The following SHFL variants were observed in gnomAD, a reference collection of about 807,000 sequenced individuals.
SHFL encodes the protein shiftless antiviral inhibitor of ribosomal frameshifting protein.
Under a neutral mutation model 34.7 loss-of-function variants are expected in SHFL, and 12 were observed. The ratio of observed to expected loss-of-function variants is 0.35; its 90% confidence interval spans 0.22 to 0.56. The LOEUF is 0.56. Among genes scored for constraint, SHFL ranks in the 20% least tolerant of loss-of-function variants. SHFL has a pLI of 0.88. For missense variants in SHFL, 278 were observed against 411.1 expected (o/e 0.68, Z 2.80); for synonymous variants, 148 against 156.0 (o/e 0.95, Z 0.38).
At position 10,091,803 on chromosome 19, in the gene SHFL, C is replaced by A; in HGVS notation, c.643+173C>A. 9.5e-7 allele frequency: 1 copy of A among 1,049,518 alleles called. No individual in the cohort carries two copies. The highest frequency in any genetic ancestry group is 1.3e-6 in the Non-Finnish European group (1 of 747,818). The allele number at this position is 1,049,518 out of a possible 1,614,324, so 65.0% of individuals were successfully genotyped here. ...TTGCCCAGGAGGCTCTGAGGTTTCA[C>A]CCCAGTGGCCCGTGCCTGAGGGTCC... On this transcript the variant is annotated intron_variant, in intron 7 of 7. Coordinates refer to ENST00000253110, the MANE Select transcript of SHFL (RefSeq NM_018381.4). This position sits in a 1 kb window ranked among gnomAD's most constrained non-coding sequence, Gnocchi z 8.2.
Position 10,092,883 on chromosome 19 carries a change from C to T in SHFL, c.*581C>T. 1.2e-5 allele frequency: 11 copies of T among 951,586 alleles called. No individual in the cohort carries two copies. The highest frequency in any genetic ancestry group is 1.6e-5 in the Non-Finnish European group (11 of 668,880). The allele number at this position is 951,586 out of a possible 1,614,324, so 58.9% of individuals were successfully genotyped here. A position where few individuals can be genotyped will look rare whatever the true frequency, so the allele number is the denominator to read the frequency against. ...CAGGCATCCCCTGGCCCCTCCCATT[C>T]TTATTGAATACAAGCCCTGATCTTC... On this transcript the variant is annotated 3_prime_UTR_variant, in exon 8 of 8. Transcript: ENST00000253110.
intron 5 of SHFL, among the ~76,000 whole-genome samples, chr19:10,090,908 T>TAA (rs925240828): frequency 7.2e-6 from 1 of 139,188 alleles, no homozygotes; most frequent in Admixed American, 7.6e-5. Context: ...ACTCTGTCTC[T>TAA]AAAAAAAAAA....
In SHFL at chr19:10,092,756, C is replaced by G. The variant is rs146282548; in HGVS notation, c.*454C>G. The G allele has an allele frequency of 7.0e-4, 1,122 of 1,608,010 alleles. 2 individuals carry two copies. The highest frequency in any genetic ancestry group is 9.1e-4 in the Non-Finnish European group (1,075 of 1,175,300). ...GCACAGGCATGGTACCACCAGCCTC[C>G]CCGCTGGTACAGGGCACAGTTACCT... On this transcript the variant is annotated 3_prime_UTR_variant, in exon 8 of 8. Transcript: ENST00000253110.
At chr19:10,088,260 CAA>C (rs71188880) in intron 3 of SHFL, 702 of 59,024 alleles carry the variant, frequency 0.012, 3 homozygotes, top group African/African-American at 0.037. Context: ...AACTCTGTCT[CAA>C]AAAAAAAAAA....
In SHFL at chr19:10,091,294, A is replaced by G. The variant is rs1599277245; in HGVS notation, c.429A>G (p.Pro143=). ...RKCRKRYEPV[P]ADKMWGLAEF... ...GCCGGAAGCGCTACGAGCCAGTGCC[A>G]GCTGACAAGATGTGGGGCCTGGCTG... is the stretch of plus-strand genomic sequence containing the variant. Residue 143 remains proline, a synonymous_variant, in exon 6 of 8, where the codon CCA becomes CCG. Coordinates refer to ENST00000253110, the MANE Select transcript of SHFL (RefSeq NM_018381.4). The surrounding 1 kb of genome is among the most constrained non-coding windows in gnomAD (Gnocchi z 8.2). The G allele has an allele frequency of 1.2e-6, 2 of 1,613,926 alleles. No homozygotes were observed. Among genetic ancestry groups the G allele is most frequent in the African/African-American group, 1.3e-5 (1 of 75,030 alleles).
chr19:10,092,140 C>T lies in SHFL; in HGVS notation c.714C>T (p.Leu238=), dbSNP rs750196152. 11 of 1,613,836 alleles carry T rather than the reference C, an allele frequency of 6.8e-6. No individual in the cohort carries two copies. Among genetic ancestry groups the T allele is most frequent in the Non-Finnish European group, 8.5e-6 (10 of 1,179,792 alleles). Residue 238 remains leucine (L), a synonymous_variant, in exon 8 of 8, where the codon CTC becomes CTT. Coordinates refer to ENST00000253110, the MANE Select transcript of SHFL (RefSeq NM_018381.4). ...SRKQNHLPKV[L]HPSNPHISSG... ...AGCAGAACCACCTGCCCAAAGTGCT[C>T]CACCCCAGCAACCCTCACATTAGCA...
Position 10,093,113 on chromosome 19 carries a change from CCTTTA to C in SHFL, c.*815_*819del, listed in dbSNP as rs1198365802. ...AAGAGTACTAGCTCTCACCCTCTGC[CCTTTA>C]CTTGAACAGGAGTCTTGATTCTTTT... On this transcript the variant is annotated 3_prime_UTR_variant, in exon 8 of 8. Transcript: ENST00000253110. 1.8e-6 allele frequency: 1 copy of C among 567,308 alleles called. No homozygotes were observed. The highest frequency in any genetic ancestry group is 1.9e-5 in the African/African-American group (1 of 53,710). The allele number at this position is 567,308 out of a possible 1,614,324, so 35.1% of individuals were successfully genotyped here.
chr19:10,087,459 A>G (rs1403564775), intron 3 of SHFL, 159 bp downstream of exon 3: 1 of 728,890 alleles, frequency 1.4e-6, no homozygotes, highest in Non-Finnish European at 2.3e-6. Flanking sequence ...TCACCTCTCC[A>G]TCATTTGTCC....
Position 10,086,460 on chromosome 19 carries a change from C to T in SHFL, c.21+12C>T. On this transcript the variant is annotated intron_variant, in intron 1 of 7. Transcript: ENST00000253110. This position sits in a 1 kb window ranked among gnomAD's most constrained non-coding sequence, Gnocchi z 5.2. ...AGGAAGGTGTGGAGGTAAGCGATGGCTACGGCTGGGCCGGGGTCAGCCGCG... is the reference window on the plus strand; with the variant it reads ...AGGAAGGTGTGGAGGTAAGCGATGGTTACGGCTGGGCCGGGGTCAGCCGCG... 7.3e-7 allele frequency: 1 copy of T among 1,375,372 alleles called. No homozygotes were observed. The highest frequency in any genetic ancestry group is 9.5e-7 in the Non-Finnish European group (1 of 1,057,714). The allele number at this position is 1,375,372 out of a possible 1,614,324, so 85.2% of individuals were successfully genotyped here. A position where few individuals can be genotyped will look rare whatever the true frequency, so the allele number is the denominator to read the frequency against.
Position 10,092,506 on chromosome 19 carries a change from G to A in SHFL, c.*204G>A, listed in dbSNP as rs2088412862. On this transcript the variant is annotated 3_prime_UTR_variant, in exon 8 of 8. Coordinates refer to ENST00000253110, the MANE Select transcript of SHFL (RefSeq NM_018381.4). ...GTTCTGTGGGACACATTGGCACTGAGCCACAAAGAAGGTGTGGCCAGAACA... is the reference window on the plus strand; with the variant it reads ...GTTCTGTGGGACACATTGGCACTGAACCACAAAGAAGGTGTGGCCAGAACA... The A allele has an allele frequency of 6.5e-7, 1 of 1,528,874 alleles. No individual in the cohort carries two copies. 94.7% of individuals were successfully genotyped at this position (1,528,874 alleles called of 1,614,324 possible).
chr19:10,091,468 G>A lies in SHFL; in HGVS notation c.489-8G>A, dbSNP rs945225282. On this transcript the variant is annotated splice_region_variant and splice_polypyrimidine_tract_variant and intron_variant, in intron 6 of 7. Transcript: ENST00000253110. This position sits in a 1 kb window ranked among gnomAD's most constrained non-coding sequence, Gnocchi z 8.2. Reference sequence around the variant, plus strand: ...CCCTCGGACCCTCACAGCCCTGCCCGCCCCCAGGGGCTGGGCACAGATGGG... The same window carrying A: ...CCCTCGGACCCTCACAGCCCTGCCCACCCCCAGGGGCTGGGCACAGATGGG... The A allele has an allele frequency of 1.1e-5, 14 of 1,262,012 alleles. No individual in the cohort carries two copies. The highest frequency in any genetic ancestry group is 8.8e-5 in the South Asian group (7 of 79,234). The allele number at this position is 1,262,012 out of a possible 1,614,324, so 78.2% of individuals were successfully genotyped here. A position where few individuals can be genotyped will look rare whatever the true frequency, so the allele number is the denominator to read the frequency against.
rs901640798 is a variant in SHFL, at chr19:10,087,527, G to GA, written c.195+228dup. On this transcript the variant is annotated intron_variant, in intron 3 of 7. Transcript: ENST00000253110. The stretch of plus-strand genomic sequence containing the variant: ...TATGTGCTGATTGTATTCAATGGGG[G>GA]AGAGAGCCATGAAACTAAGCAATGA... 3.4e-5 allele frequency: 20 copies of GA among 588,328 alleles called. No individual in the cohort carries two copies. In the Admixed American group the frequency reaches 6.2e-4, roughly 18 times the overall value. The allele number at this position is 588,328 out of a possible 1,614,324, so 36.4% of individuals were successfully genotyped here.
In SHFL at chr19:10,091,663, T is replaced by C. The variant is rs1391620460; in HGVS notation, c.643+33T>C. 4 of 1,516,950 alleles carry C rather than the reference T, an allele frequency of 2.6e-6. No individual in the cohort carries two copies. In the South Asian group the frequency reaches 5.0e-5, roughly 19 times the overall value. The allele number at this position is 1,516,950 out of a possible 1,614,324, so 94.0% of individuals were successfully genotyped here. On this transcript the variant is annotated intron_variant, in intron 7 of 7. Transcript: ENST00000253110. This position sits in a 1 kb window ranked among gnomAD's most constrained non-coding sequence, Gnocchi z 8.2. ...TCTTCTCCCCCAACAGCCTGGACAGTCTTTGTCCCCTTCTGTGCCTTTAAG... is the reference window on the plus strand; with the variant it reads ...TCTTCTCCCCCAACAGCCTGGACAGCCTTTGTCCCCTTCTGTGCCTTTAAG...
In SHFL at chr19:10,092,305, C is replaced by A; in HGVS notation, c.*3C>A. The A allele has an allele frequency of 6.4e-7, 1 of 1,568,006 alleles. No individual in the cohort carries two copies. The highest frequency in any genetic ancestry group is 2.4e-5 in the East Asian group (1 of 41,930). The stretch of plus-strand genomic sequence containing the variant: ...AGGAGGGCGGGCCCAGGGAGTGACC[C>A]CTGCCAGGTGCAGATACAAACCAGA... On this transcript the variant is annotated 3_prime_UTR_variant, in exon 8 of 8. Transcript: ENST00000253110.
In SHFL at chr19:10,086,778, G is replaced by A. The variant is rs1014228494; in HGVS notation, c.22-151G>A. ...CCTGTGGGGACTTTGGCTTTTTCCA[G>A]GAAATGCCGTAAAGGGATGAAAGGC... On this transcript the variant is annotated intron_variant, in intron 1 of 7. Transcript: ENST00000253110. The surrounding 1 kb of genome is among the most constrained non-coding windows in gnomAD (Gnocchi z 5.2). 1.9e-6 allele frequency: 2 copies of A among 1,035,426 alleles called. No individual in the cohort carries two copies. Among genetic ancestry groups the A allele is most frequent in the Non-Finnish European group, 2.8e-6 (2 of 721,722 alleles). 64.1% of individuals were successfully genotyped at this position (1,035,426 alleles called of 1,614,324 possible).
intron 3 of SHFL, among the ~76,000 whole-genome samples, chr19:10,088,646 T>C (rs545122924): frequency 6.7e-6 from 1 of 148,926 alleles, no homozygotes; most frequent in Non-Finnish European, 1.5e-5. Flanking sequence ...AAAAGTATGA[T>C]AAAAATGATA....
At chr19:10,087,507 G>T in intron 3 of SHFL, 1 of 606,278 alleles carries the variant, frequency 1.6e-6, no homozygotes, top group African/African-American at 1.9e-5. Flanking sequence ...CTCATTATGT[G>T]CTGATTGTAT....
rs2088285054 is a variant in SHFL, at chr19:10,086,449, G to A, written c.21+1G>A. ...CACCATGTCTCAGGAAGGTGTGGAG[G>A]TAAGCGATGGCTACGGCTGGGCCGG... On this transcript the variant is annotated splice_donor_variant, in intron 1 of 7. Coordinates refer to ENST00000253110, the MANE Select transcript of SHFL (RefSeq NM_018381.4). LOFTEE classifies it high-confidence loss of function. The surrounding 1 kb of genome is among the most constrained non-coding windows in gnomAD (Gnocchi z 5.2). 1.4e-6 allele frequency: 2 copies of A among 1,380,242 alleles called. No homozygotes were observed. The highest frequency in any genetic ancestry group is 1.5e-5 in the African/African-American group (1 of 67,008). 85.5% of individuals were successfully genotyped at this position (1,380,242 alleles called of 1,614,324 possible). A position where few individuals can be genotyped will look rare whatever the true frequency, so the allele number is the denominator to read the frequency against.
chr19:10,087,410 G>C lies in SHFL; in HGVS notation c.195+110G>C, dbSNP rs749394727. On this transcript the variant is annotated intron_variant, in intron 3 of 7. Coordinates refer to ENST00000253110, the MANE Select transcript of SHFL (RefSeq NM_018381.4). ...CCCCCTCTGAAACAGGAGGGACCAGGCATTGTCGGTCCATAACTCATCACC... is the reference window on the plus strand; with the variant it reads ...CCCCCTCTGAAACAGGAGGGACCAGCCATTGTCGGTCCATAACTCATCACC... The C allele has an allele frequency of 3.5e-5, 41 of 1,158,720 alleles. No individual in the cohort carries two copies. The African/African-American group carries it at 5.8e-4, about 16-fold the overall frequency. 71.8% of individuals were successfully genotyped at this position (1,158,720 alleles called of 1,614,324 possible).
Sources: gnomAD v4.1 joint callset for allele counts (sites outside exome capture counted in the v4.1 genomes callset) on GRCh38, gnomAD v4.1.1 for gene constraint, Gnocchi (gnomAD v3.1) non-coding constraint, MANE v1.5 for transcripts, NCBI Gene and HGNC (gene_info 2026-07-23, HGNC 2026-07-21) for gene names.